MBNL2: variants seen among roughly 807,000 people sequenced by gnomAD.
MBNL2 encodes muscleblind-like protein 2.
A neutral mutation model predicts 41.9 loss-of-function variants in MBNL2; 17 were observed. The observed-to-expected ratio is 0.41, with a 90% CI of 0.28 to 0.61. MBNL2 has a LOEUF of 0.61. Ranked by LOEUF, MBNL2 falls within the 20% of genes least tolerant of loss-of-function variation. MBNL2 has a pLI of 0.35. For missense variants in MBNL2, 336 were observed against 505.6 expected (o/e 0.66, Z 3.22); for synonymous variants, 195 against 182.9 (o/e 1.07, Z -0.53).
intron 2 of MBNL2, among the ~76,000 whole-genome samples, chr13:97,293,942 C>T (rs1284056753): frequency 6.6e-6 from 1 of 151,960 alleles, no homozygotes; most frequent in African/African-American, 2.4e-5. Flanking sequence ...GTGTTGTATC[C>T]CTTACCCCTT....
At chr13:97,329,901 G>C (rs1312863804) in intron 2 of MBNL2, among the ~76,000 whole-genome samples, 2 of 152,000 alleles carry the variant, frequency 1.3e-5, no homozygotes, top group African/African-American at 4.8e-5. Context: ...TCAGGTCTCA[G>C]TTTAAATGTC....
intron 1 of MBNL2, among the ~76,000 whole-genome samples, chr13:97,246,911 T>C (rs1381228325): frequency 6.6e-6 from 1 of 152,208 alleles, no homozygotes; most frequent in East Asian, 1.9e-4. Flanking sequence ...AAGGCAATCA[T>C]GAATCTGAAT....
intron 8 of MBNL2, among the ~76,000 whole-genome samples, chr13:97,371,648 A>G (rs1462711413): frequency 6.6e-6 from 1 of 152,066 alleles, no homozygotes; most frequent in East Asian, 1.9e-4. Flanking sequence ...GAGTGAGCAG[A>G]TGGATTCGAG....
intron 1 of MBNL2, among the ~76,000 whole-genome samples, chr13:97,233,255 G>A (rs2042712733): frequency 7.2e-6 from 1 of 138,394 alleles, no homozygotes; most frequent in African/African-American, 2.7e-5. Flanking sequence ...GCGCCATGTT[G>A]GTGTGCTGCA....
At chr13:97,260,126 G>A (rs1354123468) in intron 1 of MBNL2, among the ~76,000 whole-genome samples, 1 of 152,186 alleles carries the variant, frequency 6.6e-6, no homozygotes, top group Admixed American at 6.5e-5. Flanking sequence ...AGGTAAGACT[G>A]ATGCAATATT....
intron 1 of MBNL2, among the ~76,000 whole-genome samples, chr13:97,232,849 CTATGTGTGTGTG>C (rs2042570737): frequency 1.0e-5 from 1 of 97,804 alleles, no homozygotes; most frequent in East Asian, 3.3e-4. Context: ...ACTCTTGACG[CTATGTGTGTGTG>C]TGTGTGTGTG....
At position 97,236,510 on chromosome 13, in the gene MBNL2, G is replaced by T. The variant is rs1193517546; in HGVS notation, c.-605+13979G>T. Among the ~76,000 whole-genome samples, 8 of 149,892 alleles carry T rather than the reference G, an allele frequency of 5.3e-5. No homozygotes were observed. In the East Asian group the frequency reaches 1.4e-3, roughly 26 times the overall value. On this transcript the variant is annotated intron_variant, in intron 1 of 8. Coordinates refer to ENST00000679496, the MANE Select transcript of MBNL2 (RefSeq NM_001382683.1). ...CCAGTGGGCTGGATACAGGATATGT[G>T]GTCTTTTTTTTTTTTTTGTCTTTAA...
chr13:97,178,128 A>G, the MBNL2 span, among the ~76,000 whole-genome samples: 5 of 152,378 alleles, frequency 3.3e-5, no homozygotes, highest in South Asian at 6.2e-4. Flanking sequence ...AAGTAAATCC[A>G]CAGGATTCTG....
rs370905625 is a variant in MBNL2 at position 97,350,589 on chromosome 13, T to G, written c.804+3522T>G. 1.2e-4 allele frequency among the ~76,000 whole-genome samples: 19 copies of G among 152,338 alleles called. No individual in the cohort carries two copies. The East Asian group carries it at 3.5e-3, about 28-fold the overall frequency. ...AACTAAGTTTATATAGTTTGCTAAA[T>G]CCTTTGGTATCATTTCAACAATGTT... On this transcript the variant is annotated intron_variant, in intron 5 of 8. Coordinates refer to ENST00000679496, the MANE Select transcript of MBNL2 (RefSeq NM_001382683.1).
chr13:97,354,415 C>A (rs887857218), intron 5 of MBNL2, among the ~76,000 whole-genome samples: 1 of 152,120 alleles, frequency 6.6e-6, no homozygotes, highest in South Asian at 2.1e-4. Context: ...CTTCACAATG[C>A]GAGATGAACA....
chr13:97,386,831 G>A (rs1055448837), intron 8 of MBNL2, among the ~76,000 whole-genome samples: 15 of 152,010 alleles, frequency 9.9e-5, no homozygotes, highest in South Asian at 4.2e-4. Context: ...TTCACTTAAT[G>A]TGATTTCCTT....
chr13:97,258,574 C>A (rs1244202872), intron 1 of MBNL2, among the ~76,000 whole-genome samples: 1 of 152,178 alleles, frequency 6.6e-6, no homozygotes, highest in Non-Finnish European at 1.5e-5. Flanking sequence ...AAAACCCCAT[C>A]ACCTGTGTGT....
At chr13:97,143,285 A>G in the MBNL2 span, among the ~76,000 whole-genome samples, 1 of 152,342 alleles carries the variant, frequency 6.6e-6, no homozygotes, top group Non-Finnish European at 1.5e-5. Context: ...AACCACTCCC[A>G]ATATTAGGCC....
At chr13:97,208,026 T>C in the MBNL2 span, among the ~76,000 whole-genome samples, 1 of 152,228 alleles carries the variant, frequency 6.6e-6, no homozygotes, top group Non-Finnish European at 1.5e-5. Flanking sequence ...TGAGTTCCCA[T>C]GGTCTTGAAC....
chr13:97,321,335 A>T (rs1205464119), intron 2 of MBNL2, among the ~76,000 whole-genome samples: 1 of 152,208 alleles, frequency 6.6e-6, no homozygotes, highest in African/African-American at 2.4e-5. Context: ...CAGGAGGGGA[A>T]GATGCTGGGA....
At chr13:97,324,714 T>C (rs1322579185) in intron 2 of MBNL2, among the ~76,000 whole-genome samples, 2 of 151,984 alleles carry the variant, frequency 1.3e-5, no homozygotes, top group African/African-American at 4.8e-5. Context: ...ACCTCAAAAG[T>C]AGGGAAACCA....
chr13:97,148,156 G>A, the MBNL2 span, among the ~76,000 whole-genome samples: 1 of 152,180 alleles, frequency 6.6e-6, no homozygotes, highest in Non-Finnish European at 1.5e-5. Flanking sequence ...ATAGACAAGT[G>A]TTTATTCACA....
intron 8 of MBNL2, among the ~76,000 whole-genome samples, chr13:97,388,842 A>T (rs1044633052): frequency 6.6e-6 from 1 of 152,214 alleles, no homozygotes; most frequent in Non-Finnish European, 1.5e-5. Flanking sequence ...TTCCAAGAAA[A>T]ATGCTGCCAC....
chr13:97,177,522 CAAAAA>C, the MBNL2 span, among the ~76,000 whole-genome samples: 5 of 151,444 alleles, frequency 3.3e-5, no homozygotes, highest in African/African-American at 9.7e-5. Context: ...AACAAAAAGA[CAAAAA>C]AGAAAAGGCA....
Sources: allele counts gnomAD v4.1 joint callset (sites outside exome capture counted in the v4.1 genomes callset), GRCh38; gene constraint gnomAD v4.1.1; transcripts MANE v1.5; gene names NCBI Gene and HGNC (gene_info 2026-07-23, HGNC 2026-07-21).